The following SCN3A variants were observed in gnomAD, a reference collection of about 807,000 sequenced individuals.
The protein encoded by SCN3A is sodium voltage-gated channel alpha subunit 3, also known as sodium channel protein type 3 subunit alpha.
SCN3A carries 60 observed loss-of-function variants against 187.6 expected under a neutral mutation model. The ratio of observed to expected loss-of-function variants is 0.32; its 90% confidence interval spans 0.26 to 0.40. SCN3A has a LOEUF of 0.40. SCN3A is among the 10% of genes least tolerant of loss of function. The probability of loss-of-function intolerance (pLI) is 1.00; values close to 1 mark genes in which losing one functional copy is unlikely to be tolerated. For missense variants in SCN3A, 1,601 were observed against 2,428.2 expected (o/e 0.66, Z 7.16); for synonymous variants, 788 against 829.2 (o/e 0.95, Z 0.85).
chr2:165,149,216 C>A (rs1688532267), intron 11 of SCN3A, among the ~76,000 whole-genome samples: 1 of 151,938 alleles, frequency 6.6e-6, no homozygotes, highest in African/African-American at 2.4e-5. Flanking sequence ...CACTCTGTCG[C>A]CCAGGCTGGA....
Position 165,127,921 on chromosome 2 carries a change from T to G in SCN3A, c.3103A>C (p.Lys1035Gln). ...CFQKAFFRKPKVIEIHEGNKI... is the reference protein window; with the variant it reads ...CFQKAFFRKPQVIEIHEGNKI... The stretch of plus-strand genomic sequence containing the variant: ...TTGCCTTCATGGATTTCTATAACTT[T>G]TGGCTTTCTAAAAAAGGCTTTTTGG... The change falls in exon 18 of 28, where the codon AAA becomes CAA. Residue 1035 changes from lysine to glutamine, a missense_variant. Physicochemically the swap from Lys to Gln is moderately conservative, Grantham distance 53 (BLOSUM62 1). This residue lies in a region of SCN3A where 267 missense variants were observed against 313.2 expected (regional missense o/e 0.85). Transcript: ENST00000283254. The G allele has an allele frequency of 6.2e-7, 1 of 1,614,170 alleles. No homozygotes were observed. Among genetic ancestry groups the G allele is most frequent in the Non-Finnish European group, 8.5e-7 (1 of 1,180,036 alleles).
rs183193125 is a variant in SCN3A at position 165,088,553 on chromosome 2, G to T, written c.*1597C>A. On this transcript the variant is annotated 3_prime_UTR_variant, in exon 28 of 28. Coordinates refer to ENST00000283254, the MANE Select transcript of SCN3A (RefSeq NM_006922.4). The stretch of plus-strand genomic sequence containing the variant: ...GACCAATGTATCTCCTATTGGAATG[G>T]TAGAAAATATATTATAACAAAGAAA... The T allele has an allele frequency of 6.6e-6, 1 of 152,548 alleles. No individual in the cohort carries two copies. The highest frequency in any genetic ancestry group is 1.9e-4 in the East Asian group (1 of 5,186). The allele number at this position is 152,548 out of a possible 1,614,324, so 9.4% of individuals were successfully genotyped here.
chr2:165,122,955 G>T (rs917515547), intron 18 of SCN3A: 2 of 152,140 alleles, frequency 1.3e-5, no homozygotes. Flanking sequence ...TTGCTAGATT[G>T]TGTTTGGAAT....
At chr2:165,165,853 C>T (rs1689724578) in intron 5 of SCN3A, among the ~76,000 whole-genome samples, 1 of 152,158 alleles carries the variant, frequency 6.6e-6, no homozygotes, top group African/African-American at 2.4e-5. Flanking sequence ...TAAGTACATT[C>T]CCTTCCTTTT....
intron 18 of SCN3A, among the ~76,000 whole-genome samples, chr2:165,125,917 G>C (rs1292851757): frequency 6.6e-6 from 1 of 152,088 alleles, no homozygotes; most frequent in Non-Finnish European, 1.5e-5. Context: ...ATGGAATTCA[G>C]AGAAAAAATA....
intron 19 of SCN3A, 90 bp from the exon 20 acceptor site, chr2:165,114,060 A>G (rs1686241947): frequency 8.0e-6 from 6 of 754,068 alleles, no homozygotes; most frequent in Non-Finnish European, 1.0e-5. Context: ...CTCCACTTCC[A>G]GGTAATCATT....
At position 165,090,971 on chromosome 2, in the gene SCN3A, G is replaced by A. The variant is rs540953528; in HGVS notation, c.5182C>T (p.Pro1728Ser). Residue 1728 changes from proline (P) to serine (S), a missense_variant, in exon 28 of 28, where the codon CCT (proline) becomes TCT (serine). Coordinates refer to ENST00000283254, the MANE Select transcript of SCN3A (RefSeq NM_006922.4). The surrounding 1 kb of genome is among the most constrained non-coding windows in gnomAD (Gnocchi z 4.0). Reference sequence around the variant, plus strand: ...GAGCTGCCAGGGTGAATTGTGTCAGGGTCACAGTCGGGTGGTGCACTATTA... The same window carrying A: ...GAGCTGCCAGGGTGAATTGTGTCAGAGTCACAGTCGGGTGGTGCACTATTA... Reference protein sequence around the residue: ...ILNSAPPDCDPDTIHPGSSVK... With the variant: ...ILNSAPPDCDSDTIHPGSSVK... 6 of 1,614,088 alleles carry A rather than the reference G, an allele frequency of 3.7e-6. No homozygotes were observed. In the South Asian group the frequency reaches 5.5e-5, roughly 15 times the overall value.
At chr2:165,203,776 G>T (rs185785948) in intron 1 of SCN3A, 47 bp downstream of exon 1, 1 of 151,986 alleles carries the variant, frequency 6.6e-6, no homozygotes, top group East Asian at 1.9e-4. Flanking sequence ...AAATGACCTG[G>T]TAGCTAGGTT....
intron 9 of SCN3A, among the ~76,000 whole-genome samples, chr2:165,159,187 T>C (rs1689219918): frequency 7.2e-6 from 1 of 138,086 alleles, no homozygotes; most frequent in South Asian, 2.3e-4. Flanking sequence ...AATTCCCTAA[T>C]GACAAATGAT....
Position 165,155,742 on chromosome 2 carries a change from C to T in SCN3A, c.1173+20G>A, listed in dbSNP as rs1559240126. The T allele has an allele frequency of 1.2e-6, 2 of 1,613,346 alleles. No homozygotes were observed. The highest frequency in any genetic ancestry group is 1.7e-6 in the Non-Finnish European group (2 of 1,179,502). ...CATGTCTATAAAAATAAATGTTATG[C>T]ATGCTCATTTGGACCTTACCAACTG... On this transcript the variant is annotated intron_variant, in intron 10 of 27. Coordinates refer to ENST00000283254, the MANE Select transcript of SCN3A (RefSeq NM_006922.4).
At chr2:165,172,167 T>C (rs552967155) in intron 3 of SCN3A, among the ~76,000 whole-genome samples, 2 of 152,244 alleles carry the variant, frequency 1.3e-5, no homozygotes, top group South Asian at 4.2e-4. Flanking sequence ...TAACTAACCA[T>C]TTTCCAGAAA....
chr2:165,104,719 A>C (rs895888544), intron 21 of SCN3A, among the ~76,000 whole-genome samples: 1 of 152,130 alleles, frequency 6.6e-6, no homozygotes, highest in African/African-American at 2.4e-5. Context: ...AAATATTCAT[A>C]CCACATGTGA....
Position 165,095,578 on chromosome 2 carries a change from C to G in SCN3A, c.4364G>C (p.Gly1455Ala). ...YLYFVIFIIF[G>A]SFFTLNLFIG... ...GAATAGATTCAGAGTGAAGAATGACCCAAAGATGATAAAGATGACAAAGTA... is the reference window on the plus strand; with the variant it reads ...GAATAGATTCAGAGTGAAGAATGACGCAAAGATGATAAAGATGACAAAGTA... The change falls in exon 25 of 28, where the codon GGG becomes GCG. Residue 1455 changes from glycine (G) to alanine (A), a missense_variant. Gly to Ala is a moderately conservative substitution (Grantham distance 60, BLOSUM62 0). Coordinates refer to ENST00000283254, the MANE Select transcript of SCN3A (RefSeq NM_006922.4). 1 of 1,593,842 alleles carries G rather than the reference C, an allele frequency of 6.3e-7. No homozygotes were observed. The highest frequency in any genetic ancestry group is 8.6e-7 in the Non-Finnish European group (1 of 1,162,106).
intron 15 of SCN3A, among the ~76,000 whole-genome samples, chr2:165,137,412 T>A (rs1687729706): frequency 6.6e-6 from 1 of 152,026 alleles, no homozygotes; most frequent in Non-Finnish European, 1.5e-5. Flanking sequence ...TTAGCAACTA[T>A]TTTTTTTCTT....
chr2:165,201,045 G>T (rs549829247), intron 1 of SCN3A, among the ~76,000 whole-genome samples: 2 of 152,146 alleles, frequency 1.3e-5, no homozygotes, highest in Non-Finnish European at 2.9e-5. Flanking sequence ...TGTGGTTTTG[G>T]TGAAACCTAG....
chr2:165,095,324 T>C (rs949914678), intron 25 of SCN3A, among the ~76,000 whole-genome samples, 187 bp downstream of exon 25: 17 of 152,134 alleles, frequency 1.1e-4, no homozygotes, highest in Admixed American at 3.3e-4. Flanking sequence ...AGCTATCCAA[T>C]AGATAAACTT....
At chr2:165,133,937 G>A (rs2105787345) in intron 15 of SCN3A, among the ~76,000 whole-genome samples, 1 of 152,100 alleles carries the variant, frequency 6.6e-6, no homozygotes, top group Middle Eastern at 3.4e-3. Context: ...TTTTGTTTTT[G>A]ATTTTGTGTT....
intron 18 of SCN3A, among the ~76,000 whole-genome samples, chr2:165,118,909 C>T (rs547992804): frequency 1.3e-5 from 2 of 152,226 alleles, no homozygotes; most frequent in Admixed American, 6.5e-5. Context: ...ACTACAGGCG[C>T]CCGCCACCAT....
intron 21 of SCN3A, among the ~76,000 whole-genome samples, chr2:165,103,012 A>G (rs2105670492): frequency 6.6e-6 from 1 of 152,380 alleles, no homozygotes; most frequent in South Asian, 2.1e-4. Context: ...CAATCTGATC[A>G]ATCACATACA....
Sources: allele counts gnomAD v4.1 joint callset (sites outside exome capture counted in the v4.1 genomes callset), GRCh38; gene constraint gnomAD v4.1.1; regional missense constraint gnomAD v4.1.1; non-coding constraint Gnocchi (gnomAD v3.1); transcripts MANE v1.5; gene names NCBI Gene and HGNC (gene_info 2026-07-23, HGNC 2026-07-21).